RPAP1: variants seen among roughly 807,000 people sequenced by gnomAD.
RPAP1 encodes RNA polymerase II-associated protein 1.
RPAP1 carries 109 observed loss-of-function variants against 142.4 expected under a neutral mutation model. That is an observed-to-expected ratio of 0.77 (90% CI 0.66 to 0.90). The LOEUF (loss-of-function observed/expected upper bound fraction) is 0.90, where lower values mean the gene tolerates loss of function less well. RPAP1 is among the 40% of genes least tolerant of loss of function. The probability of loss-of-function intolerance (pLI) is 0.00; values close to 1 mark genes in which losing one functional copy is unlikely to be tolerated. For synonymous variants in RPAP1, 704 were observed against 738.9 expected (o/e 0.95, Z 0.77); for missense variants, 1,546 against 1,751.7 (o/e 0.88, Z 2.10).
Position 41,522,804 on chromosome 15 carries a change from A to T in RPAP1, c.2703T>A (p.Leu901=), listed in dbSNP as rs2051742558. The change falls in exon 19 of 25, where the codon CTT becomes CTA. Residue 901 remains leucine, a synonymous_variant. Transcript: ENST00000304330. ...CCTTGTGGATCTGGGCCAGGGTATT[A>T]AGAAGAGAGAGGAGGGCAGTGAGGA... ...FPFLTALLSL[L]NTLAQIHKGL... 1 of 1,579,780 alleles carries T rather than the reference A, an allele frequency of 6.3e-7. No individual in the cohort carries two copies. Among genetic ancestry groups the T allele is most frequent in the South Asian group, 1.2e-5 (1 of 84,934 alleles).
At position 41,522,859 on chromosome 15, in the gene RPAP1, CTG is replaced by C; in HGVS notation, c.2646_2647del (p.Leu884GlyfsTer18). 6.3e-7 allele frequency: 1 copy of C among 1,581,272 alleles called. No homozygotes were observed. Among genetic ancestry groups the C allele is most frequent in the Non-Finnish European group, 8.5e-7 (1 of 1,169,906 alleles). On this transcript the variant is annotated frameshift_variant, in exon 19 of 25. Coordinates refer to ENST00000304330, the MANE Select transcript of RPAP1 (RefSeq NM_015540.4). LOFTEE classifies it high-confidence loss of function. ...GAAGGGTGAGGCTGAGCCAGCCAGA[CTG>C]AGACGGGGGCAGCCTCCCGAGCAGC...
At chr15:41,528,895 G>C (rs1252266932) in intron 9 of RPAP1, among the ~76,000 whole-genome samples, 1 of 152,182 alleles carries the variant, frequency 6.6e-6, no homozygotes, top group African/African-American at 2.4e-5. Context: ...CAGCAGCCCC[G>C]AGAGACATGG....
At chr15:41,520,110 T>G in intron 22 of RPAP1, 1 of 383,490 alleles carries the variant, frequency 2.6e-6, no homozygotes, top group Non-Finnish European at 4.8e-6. Context: ...AGTTTTGTAT[T>G]TTTAGTAGAA....
Position 41,520,430 on chromosome 15 carries a change from G to A in RPAP1, c.3756C>T (p.His1252=), listed in dbSNP as rs773160256. Residue 1252 remains histidine, a synonymous_variant, in exon 22 of 25, where the codon CAC becomes CAT. Coordinates refer to ENST00000304330, the MANE Select transcript of RPAP1 (RefSeq NM_015540.4). ...VTLRLALFGE[H]VGALRALSLP... is the part of the protein sequence containing the mutation. ...GGCTCAGAGCTCGCAAGGCTCCCACGTGTTCCCCAAAGAGGGCAAGGCGCA... is the reference window on the plus strand; with the variant it reads ...GGCTCAGAGCTCGCAAGGCTCCCACATGTTCCCCAAAGAGGGCAAGGCGCA... The A allele has an allele frequency of 3.0e-5, 49 of 1,613,622 alleles. No homozygotes were observed. The highest frequency in any genetic ancestry group is 3.3e-4 in the Middle Eastern group (2 of 6,082).
rs1161678256 is a variant in RPAP1, at chr15:41,520,622, C to A, written c.3564G>T (p.Gln1188His). 6.2e-7 allele frequency: 1 copy of A among 1,614,108 alleles called. No homozygotes were observed. The highest frequency in any genetic ancestry group is 8.5e-7 in the Non-Finnish European group (1 of 1,180,048). ...GGTTGAGGTTTGGCAAGACTTGAGG[C>A]TGACAGAGCTGGGCGAGGAGGGCTG... The part of the protein sequence containing the change: ...LVAALLAQLC[Q>H]PQVLPNLNLD... Residue 1188 changes from glutamine (Q) to histidine (H), a missense_variant, in exon 22 of 25, where the codon CAG becomes CAT. Gln to His is a conservative substitution (Grantham distance 24). Transcript: ENST00000304330.
chr15:41,539,044 T>G (rs148710477), intron 1 of RPAP1, among the ~76,000 whole-genome samples: 51 of 152,310 alleles, frequency 3.3e-4, no homozygotes, highest in African/African-American at 1.1e-3. Flanking sequence ...CTAATGGGTA[T>G]GGAGCGTCTT....
At chr15:41,536,405 G>A in intron 3 of RPAP1, 96 bp downstream of exon 3, 1 of 1,509,732 alleles carries the variant, frequency 6.6e-7, no homozygotes, top group East Asian at 2.3e-5. Context: ...CTACCTTTCT[G>A]AAGCACCCTC....
intron 6 of RPAP1, among the ~76,000 whole-genome samples, chr15:41,531,628 T>TACATATATATATATATA (rs1221224553): frequency 1.5e-4 from 3 of 20,536 alleles, no homozygotes; most frequent in African/African-American, 5.2e-4. Context: ...TATATATATA[T>TACATATATATATATATA]TTTTTTTTTT....
At chr15:41,531,679 C>T (rs1259817716) in intron 6 of RPAP1, among the ~76,000 whole-genome samples, 4 of 125,506 alleles carry the variant, frequency 3.2e-5, no homozygotes, top group Admixed American at 1.9e-4. Flanking sequence ...CTCGCTGTGT[C>T]GCCCGGGCTG....
In RPAP1 at chr15:41,523,418, C is replaced by T. The variant is rs912950607; in HGVS notation, c.2437-64G>A. 23 of 1,099,486 alleles carry T rather than the reference C, an allele frequency of 2.1e-5. No homozygotes were observed. In the Middle Eastern group the frequency reaches 6.2e-4, roughly 29 times the overall value. 68.1% of individuals were successfully genotyped at this position (1,099,486 alleles called of 1,614,324 possible). On this transcript the variant is annotated intron_variant, in intron 17 of 24. Transcript: ENST00000304330. ...CATTCATTCTCCTAGACCCTGTGTACCCAGGCCAATGCCACCATCCCAACA... is the reference window on the plus strand; with the variant it reads ...CATTCATTCTCCTAGACCCTGTGTATCCAGGCCAATGCCACCATCCCAACA...
intron 10 of RPAP1, 69 bp from the exon 11 acceptor site, chr15:41,528,096 G>A (rs1215330239): frequency 6.4e-6 from 10 of 1,570,858 alleles, no homozygotes; most frequent in South Asian, 4.6e-5. Context: ...CTAATCCTTC[G>A]TTTGCCCCCC....
chr15:41,541,114 G>T (rs1338844273), intron 1 of RPAP1, among the ~76,000 whole-genome samples: 1 of 152,072 alleles, frequency 6.6e-6, no homozygotes, highest in Non-Finnish European at 1.5e-5. Flanking sequence ...AGGGAGAGCT[G>T]GGCAAAGGTA....
intron 1 of RPAP1, among the ~76,000 whole-genome samples, chr15:41,539,279 GT>G (rs758427701): frequency 1.4e-4 from 20 of 142,168 alleles, no homozygotes; most frequent in South Asian, 2.3e-4. Flanking sequence ...GCTAATTTTT[GT>G]TTTTTTTTTT....
intron 21 of RPAP1, 99 bp from the exon 22 acceptor site, chr15:41,521,246 C>T (rs2140758703): frequency 5.0e-6 from 6 of 1,210,474 alleles, no homozygotes; most frequent in Non-Finnish European, 6.9e-6. Context: ...TAGGTCCAGA[C>T]CTGTGCCTCT....
At chr15:41,534,077 G>A (rs1182673320) in intron 6 of RPAP1, among the ~76,000 whole-genome samples, 17 of 150,584 alleles carry the variant, frequency 1.1e-4, no homozygotes, top group Admixed American at 2.0e-4. Context: ...AGCCTACGTC[G>A]CGCCATTGCA....
At position 41,528,313 on chromosome 15, in the gene RPAP1, C is replaced by A; in HGVS notation, c.1182G>T (p.Glu394Asp). 6.2e-7 allele frequency: 1 copy of A among 1,600,208 alleles called. No individual in the cohort carries two copies. The highest frequency in any genetic ancestry group is 2.2e-5 in the East Asian group (1 of 44,572). The stretch of plus-strand genomic sequence containing the variant: ...CCTGGCTGCGGGTCAGGTGGAACAG[C>A]TCCTGTAGGGAATACCCCGCTCTCT... ...EAERAGYSLQ[E>D]LFHLTRSQVS... Residue 394 changes from glutamate (E) to aspartate (D), a missense_variant, in exon 10 of 25, where the codon GAG becomes GAT. Physicochemically the swap from Glu to Asp is conservative, Grantham distance 45. Transcript: ENST00000304330.
chr15:41,527,874 C>G lies in RPAP1; in HGVS notation c.1414G>C (p.Ala472Pro). The G allele has an allele frequency of 2.5e-6, 4 of 1,614,064 alleles. No individual in the cohort carries two copies. Among genetic ancestry groups the G allele is most frequent in the Non-Finnish European group, 3.4e-6 (4 of 1,179,996 alleles). The change falls in exon 11 of 25, where the codon GCT becomes CCT. Residue 472 changes from alanine (A) to proline (P), a missense_variant. Physicochemically the swap from Ala to Pro is conservative, Grantham distance 27. Around this residue, in one of 3 missense-constraint regions of RPAP1, gnomAD observed 1,333 missense variants for 1,486.6 expected, o/e 0.90. Coordinates refer to ENST00000304330, the MANE Select transcript of RPAP1 (RefSeq NM_015540.4). The part of the protein sequence containing the change: ...AIRALRALLV[A>P]PGDEELLDST... ...CCCTGTGGTACCTCATCTCCAGGAG[C>G]CACCAGCAGAGCCCGAAGAGCACGG...
intron 8 of RPAP1, 23 bp downstream of exon 8, chr15:41,529,841 G>A (rs1310680319): frequency 2.6e-6 from 4 of 1,553,540 alleles, no homozygotes; most frequent in Non-Finnish European, 2.6e-6. Flanking sequence ...CCCACCCCTT[G>A]TAGGCCAGGT....
Position 41,528,266 on chromosome 15 carries a change from G to A in RPAP1, c.1229C>T (p.Ala410Val), listed in dbSNP as rs1566886680. The stretch of plus-strand genomic sequence containing the variant: ...GATGACCTGGGCTAACACATGCAGT[G>A]CCAGTGCTCTCTGCTGGGAAACCTG... ...RSQVSQQRAL[A>V]LHVLAQVISR... Residue 410 changes from alanine (A) to valine (V), a missense_variant, in exon 10 of 25, where the codon GCA (alanine) becomes GTA (valine). This residue lies in a region of RPAP1 where 1,333 missense variants were observed against 1,486.6 expected (regional missense o/e 0.90). Coordinates refer to ENST00000304330, the MANE Select transcript of RPAP1 (RefSeq NM_015540.4). 6.2e-7 allele frequency: 1 copy of A among 1,608,748 alleles called. No individual in the cohort carries two copies. The highest frequency in any genetic ancestry group is 2.2e-5 in the East Asian group (1 of 44,818).
Sources: allele counts gnomAD v4.1 joint callset (sites outside exome capture counted in the v4.1 genomes callset), GRCh38; gene constraint gnomAD v4.1.1; regional missense constraint gnomAD v4.1.1; transcripts MANE v1.5; gene names NCBI Gene and HGNC (gene_info 2026-07-23, HGNC 2026-07-21).